The following SEPTIN9 variants were observed in gnomAD, a reference collection of about 807,000 sequenced individuals.
SEPTIN9 encodes the protein septin-9.
Under a neutral mutation model 56.6 loss-of-function variants are expected in SEPTIN9, and 13 were observed. The observed-to-expected ratio is 0.23, with a 90% confidence interval of 0.15 to 0.37. The LOEUF is 0.37. Ranked by LOEUF, SEPTIN9 falls within the 10% of genes least tolerant of loss-of-function variation. SEPTIN9 has a pLI of 1.00. For missense variants in SEPTIN9, 650 were observed against 823.1 expected, an observed-to-expected ratio of 0.79 and a Z score of 2.57; for synonymous variants, 332 against 334.1, an observed-to-expected ratio of 0.99 and a Z score of 0.07.
chr17:77,340,436 A>G (rs1274634311), intron 2 of SEPTIN9, among the ~76,000 whole-genome samples: 1 of 152,100 alleles, frequency 6.6e-6, no homozygotes, highest in African/African-American at 2.4e-5. Flanking sequence ...TTGCCGCACC[A>G]GGCCTCAATG....
intron 2 of SEPTIN9, chr17:77,373,439 C>T: frequency 2.0e-6 from 3 of 1,471,972 alleles, no homozygotes; most frequent in South Asian, 1.3e-5. Flanking sequence ...GGGCCCGGGC[C>T]CCGCCGGGGG....
chr17:77,493,058 A>C lies in SEPTIN9; in HGVS notation c.1555A>C (p.Lys519Gln). 2 of 1,560,838 alleles carry C rather than the reference A, an allele frequency of 1.3e-6. No individual in the cohort carries two copies. Among genetic ancestry groups the C allele is most frequent in the Non-Finnish European group, 1.7e-6 (2 of 1,152,748 alleles). ...NGKRILGRKT[K>Q]WGTIEVENTT... The stretch of plus-strand genomic sequence containing the variant: ...CAAGAGGATCCTTGGGAGGAAGACC[A>C]AGTGGGGTACCATCGAAGGTACTCG... Residue 519 changes from lysine (K) to glutamine (Q), a missense_variant, in exon 10 of 12, where the codon AAG (lysine) becomes CAG (glutamine). This residue lies in a region of SEPTIN9 where 333 missense variants were observed against 494.0 expected (regional missense o/e 0.67). Coordinates refer to ENST00000427177, the MANE Select transcript of SEPTIN9 (RefSeq NM_001113491.2).
chr17:77,416,859 C>T (rs1415706838), intron 3 of SEPTIN9, among the ~76,000 whole-genome samples: 4 of 152,330 alleles, frequency 2.6e-5, no homozygotes, highest in Admixed American at 1.3e-4. Context: ...ATCCCAACCT[C>T]GAGCCTCCCA....
chr17:77,403,683 G>T (rs1244548354), intron 3 of SEPTIN9, among the ~76,000 whole-genome samples: 1 of 152,242 alleles, frequency 6.6e-6, no homozygotes, highest in Non-Finnish European at 1.5e-5. Flanking sequence ...TCAGAACTCA[G>T]TAATGCTCAG....
intron 2 of SEPTIN9, chr17:77,396,891 G>A (rs1263902344): frequency 6.5e-6 from 1 of 154,202 alleles, no homozygotes; most frequent in East Asian, 1.9e-4. Flanking sequence ...CCAAGAAGGG[G>A]GAAGGAGGCA....
chr17:77,394,236 A>T (rs1162352607), intron 2 of SEPTIN9, among the ~76,000 whole-genome samples: 1 of 152,178 alleles, frequency 6.6e-6, no homozygotes. Flanking sequence ...CCAGTGTCAC[A>T]GGAGAGTGAA....
Position 77,429,356 on chromosome 17 carries a change from C to A in SEPTIN9, c.721+26653C>A. Reference sequence around the variant, plus strand: ...GCAGCCCACCTGGCTGAGAGGTGTGCTGGCTCTCGCAGGTTGCAAAATGGG... The same window carrying A: ...GCAGCCCACCTGGCTGAGAGGTGTGATGGCTCTCGCAGGTTGCAAAATGGG... On this transcript the variant is annotated intron_variant, in intron 3 of 11. Transcript: ENST00000427177. The surrounding 1 kb of genome is among the most constrained non-coding windows in gnomAD (Gnocchi z 5.2). 1 of 450,766 alleles carries A rather than the reference C, an allele frequency of 2.2e-6. No individual in the cohort carries two copies. Among genetic ancestry groups the A allele is most frequent in the South Asian group, 1.6e-5 (1 of 62,228 alleles). 27.9% of individuals were successfully genotyped at this position (450,766 alleles called of 1,614,324 possible). A position where few individuals can be genotyped will look rare whatever the true frequency, so the allele number is the denominator to read the frequency against.
intron 3 of SEPTIN9, chr17:77,466,482 G>C (rs917795836): frequency 2.0e-6 from 2 of 985,554 alleles, no homozygotes; most frequent in Non-Finnish European, 2.4e-6. Context: ...CTGCGTGAGC[G>C]TGAGCGAGCC....
chr17:77,487,863 G>T lies in SEPTIN9; in HGVS notation c.1042+311G>T, dbSNP rs1357015140. 6.6e-6 allele frequency among the ~76,000 whole-genome samples: 1 copy of T among 152,164 alleles called. No individual in the cohort carries two copies. Among genetic ancestry groups the T allele is most frequent in the African/African-American group, 2.4e-5 (1 of 41,442 alleles). ...GATACCCATGCCTTCCTGGAGCACTGGTGCGGTGTGAGGGTGCCCGAGTCA... is the reference window on the plus strand; with the variant it reads ...GATACCCATGCCTTCCTGGAGCACTTGTGCGGTGTGAGGGTGCCCGAGTCA... On this transcript the variant is annotated intron_variant, in intron 5 of 11. Coordinates refer to ENST00000427177, the MANE Select transcript of SEPTIN9 (RefSeq NM_001113491.2). The surrounding 1 kb of genome is among the most constrained non-coding windows in gnomAD (Gnocchi z 4.3).
chr17:77,438,375 A>G (rs541500381), intron 3 of SEPTIN9, among the ~76,000 whole-genome samples: 2 of 152,278 alleles, frequency 1.3e-5, no homozygotes, highest in South Asian at 4.1e-4. Context: ...TCCAGGACCT[A>G]TGTCTTGGGG....
Position 77,448,628 on chromosome 17 carries a change from G to C in SEPTIN9, c.722-33516G>C, listed in dbSNP as rs572380114. 6.6e-5 allele frequency among the ~76,000 whole-genome samples: 10 copies of C among 152,288 alleles called. No homozygotes were observed. In the South Asian group the frequency reaches 1.9e-3, roughly 28 times the overall value. On this transcript the variant is annotated intron_variant, in intron 3 of 11. Coordinates refer to ENST00000427177, the MANE Select transcript of SEPTIN9 (RefSeq NM_001113491.2). ...TGTGTGAAGTGCACTCTGGGTTTCA[G>C]AGTCCTAGCAAGGGGGAAAGAAAAG...
chr17:77,469,600 C>G (rs995116850), intron 3 of SEPTIN9: 1 of 152,198 alleles, frequency 6.6e-6, no homozygotes, highest in African/African-American at 2.4e-5. Flanking sequence ...TGTGCTGCAT[C>G]CCCCCAGGCG....
intron 3 of SEPTIN9, among the ~76,000 whole-genome samples, chr17:77,417,848 CCAGGA>C (rs2036557641): frequency 6.6e-6 from 1 of 152,184 alleles, no homozygotes; most frequent in Admixed American, 6.5e-5. Context: ...AGGGGGGGTT[CCAGGA>C]ACCCAGCCTT....
chr17:77,359,785 G>C (rs2034357557), intron 2 of SEPTIN9, among the ~76,000 whole-genome samples: 1 of 151,326 alleles, frequency 6.6e-6, no homozygotes, highest in Non-Finnish European at 1.5e-5. Context: ...GACAGAGCAG[G>C]ACCTGTCTCT....
chr17:77,323,356 GT>G lies in SEPTIN9; in HGVS notation c.76+16163del, dbSNP rs1175492677. 6.6e-6 allele frequency among the ~76,000 whole-genome samples: 1 copy of G among 152,152 alleles called. No homozygotes were observed. The highest frequency in any genetic ancestry group is 2.4e-5 in the African/African-American group (1 of 41,426). On this transcript the variant is annotated intron_variant, in intron 2 of 11. Coordinates refer to ENST00000427177, the MANE Select transcript of SEPTIN9 (RefSeq NM_001113491.2). This position sits in a 1 kb window ranked among gnomAD's most constrained non-coding sequence, Gnocchi z 6.8. ...CTTTGTGGCTTTTACAAATTAAGCA[GT>G]TTTATCTTGTTCCAAGAGCTTGTAT...
intron 3 of SEPTIN9, among the ~76,000 whole-genome samples, chr17:77,415,942 A>G (rs1248879144): frequency 6.6e-6 from 1 of 152,246 alleles, no homozygotes; most frequent in Non-Finnish European, 1.5e-5. Context: ...CAGGAGCAAA[A>G]TGTAAGGGGA....
chr17:77,477,153 C>T (rs953219691), intron 3 of SEPTIN9, among the ~76,000 whole-genome samples: 3 of 151,602 alleles, frequency 2.0e-5, no homozygotes, highest in Non-Finnish European at 2.9e-5. Flanking sequence ...CTTCCTCTCC[C>T]GTCCTCATGG....
chr17:77,339,827 G>A (rs1420892159), intron 2 of SEPTIN9, among the ~76,000 whole-genome samples: 1 of 145,124 alleles, frequency 6.9e-6, no homozygotes, highest in Non-Finnish European at 1.5e-5. Flanking sequence ...TTTTTTTTTT[G>A]TTGTTGTTTT....
At chr17:77,332,852 G>A (rs1286174884) in intron 2 of SEPTIN9, among the ~76,000 whole-genome samples, 1 of 152,178 alleles carries the variant, frequency 6.6e-6, no homozygotes, top group Non-Finnish European at 1.5e-5. Context: ...CATTCTGTGG[G>A]TTTTTAGTCA....
Sources: gnomAD v4.1 joint callset for allele counts (sites outside exome capture counted in the v4.1 genomes callset) on GRCh38, gnomAD v4.1.1 for gene constraint, gnomAD v4.1.1 regional missense constraint, Gnocchi (gnomAD v3.1) non-coding constraint, MANE v1.5 for transcripts, NCBI Gene and HGNC (gene_info 2026-07-23, HGNC 2026-07-21) for gene names.